RAB6A: variants seen among roughly 807,000 people sequenced by gnomAD.
RAB6A encodes the protein ras-related protein Rab-6A.
Under a neutral mutation model 32.3 loss-of-function variants are expected in RAB6A, and 8 were observed. The observed-to-expected ratio is 0.25, with a 90% CI of 0.15 to 0.45. The LOEUF (loss-of-function observed/expected upper bound fraction) is 0.45. RAB6A is among the 20% of genes least tolerant of loss of function. The pLI, the probability that RAB6A is intolerant of heterozygous loss-of-function variation, is 1.00. For synonymous variants in RAB6A, 73 were observed against 82.1 expected (o/e 0.89, Z 0.60); for missense variants, 104 against 249.4 (o/e 0.42, Z 3.93).
At chr11:73,715,759 C>G (rs543658543) in intron 5 of RAB6A, among the ~76,000 whole-genome samples, 2 of 152,278 alleles carry the variant, frequency 1.3e-5, no homozygotes, top group Admixed American at 1.3e-4. Flanking sequence ...GTATCACAAT[C>G]AAGCTATTCA....
At chr11:73,694,766 C>A (rs1393490530) in intron 6 of RAB6A, among the ~76,000 whole-genome samples, 3 of 152,174 alleles carry the variant, frequency 2.0e-5, no homozygotes, top group Non-Finnish European at 4.4e-5. Context: ...ATAATTCCAG[C>A]ACTCTGGGAG....
chr11:73,719,118 C>G (rs1218127337), intron 3 of RAB6A, among the ~76,000 whole-genome samples: 1 of 152,128 alleles, frequency 6.6e-6, no homozygotes, highest in African/African-American at 2.4e-5. Context: ...GAAAATGCCA[C>G]TGGGAAAAAT....
At chr11:73,755,468 T>C (rs1946732563) in intron 1 of RAB6A, among the ~76,000 whole-genome samples, 1 of 151,898 alleles carries the variant, frequency 6.6e-6, no homozygotes, top group African/African-American at 2.4e-5. Flanking sequence ...TAATTTTGTA[T>C]TTTTAGTAGA....
At chr11:73,718,484 G>A in intron 4 of RAB6A, 129 bp downstream of exon 4, 1 of 743,882 alleles carries the variant, frequency 1.3e-6, no homozygotes, top group East Asian at 2.7e-5. Flanking sequence ...GACCTGGCTG[G>A]TATGTAATTT....
chr11:73,741,197 C>T (rs932204608), intron 1 of RAB6A, among the ~76,000 whole-genome samples: 6 of 151,554 alleles, frequency 4.0e-5, no homozygotes, highest in Non-Finnish European at 7.4e-5. Flanking sequence ...AATGCGGTGG[C>T]GCAATCTCGG....
chr11:73,730,225 TTTTC>T (rs1946282879), intron 2 of RAB6A: 1 of 152,256 alleles, frequency 6.6e-6, no homozygotes, highest in Non-Finnish European at 1.5e-5. Context: ...TTAGTATCTC[TTTTC>T]TTTTTTGTAT....
intron 6 of RAB6A, among the ~76,000 whole-genome samples, chr11:73,680,150 C>T (rs956242590): frequency 2.0e-5 from 3 of 151,894 alleles, no homozygotes; most frequent in Non-Finnish European, 2.9e-5. Context: ...ATTCTATAAA[C>T]GAGTATTATA....
intron 6 of RAB6A, among the ~76,000 whole-genome samples, chr11:73,707,122 A>C (rs1363515194): frequency 1.5e-5 from 2 of 135,446 alleles, no homozygotes; most frequent in Non-Finnish European, 1.6e-5. Context: ...CCATCTCAAA[A>C]AAGAAAAAAA....
intron 1 of RAB6A, among the ~76,000 whole-genome samples, chr11:73,736,424 G>T (rs1300248418): frequency 2.1e-5 from 1 of 47,466 alleles, no homozygotes; most frequent in Non-Finnish European, 4.6e-5. Context: ...GAAAGACTCT[G>T]TCTCCAAAAA....
intron 6 of RAB6A, among the ~76,000 whole-genome samples, chr11:73,686,554 A>AAAAAC (rs775431988): frequency 6.6e-6 from 1 of 152,090 alleles, no homozygotes; most frequent in Non-Finnish European, 1.5e-5. Flanking sequence ...GACTCTGTCT[A>AAAAAC]AAAACAAAAC....
At chr11:73,758,967 T>C (rs1565384760) in intron 1 of RAB6A, among the ~76,000 whole-genome samples, 1 of 151,908 alleles carries the variant, frequency 6.6e-6, no homozygotes. Flanking sequence ...ATTGTATTTT[T>C]CCCCCCAAAA....
chr11:73,732,823 T>C (rs1267293588), intron 1 of RAB6A, among the ~76,000 whole-genome samples: 1 of 151,898 alleles, frequency 6.6e-6, no homozygotes, highest in Admixed American at 6.6e-5. Context: ...TTTTCTTTTT[T>C]TTCCCCCGAG....
At chr11:73,718,968 T>C in intron 3 of RAB6A, 1 of 1,335,692 alleles carries the variant, frequency 7.5e-7, no homozygotes, top group Non-Finnish European at 1.0e-6. Flanking sequence ...ATGTTTTTTG[T>C]AAAAGGGAGA....
chr11:73,730,273 T>C (rs1946283622), intron 2 of RAB6A: 1 of 153,006 alleles, frequency 6.5e-6, no homozygotes, highest in Non-Finnish European at 1.5e-5. Context: ...TAAGTTTTGG[T>C]GTGCTGTGTT....
At chr11:73,698,635 G>A (rs532382167) in intron 6 of RAB6A, among the ~76,000 whole-genome samples, 3 of 151,948 alleles carry the variant, frequency 2.0e-5, no homozygotes, top group South Asian at 2.1e-4. Flanking sequence ...TCTTGTATTC[G>A]ACAAGTATCT....
intron 1 of RAB6A, among the ~76,000 whole-genome samples, chr11:73,739,901 T>C (rs1946467325): frequency 6.6e-6 from 1 of 151,616 alleles, no homozygotes; most frequent in Non-Finnish European, 1.5e-5. Context: ...CTACTAAAAA[T>C]ACAAAAAATT....
intron 6 of RAB6A, among the ~76,000 whole-genome samples, chr11:73,700,599 A>AAGT (rs1555056742): frequency 0.012 from 99 of 8,428 alleles, 1 homozygote; most frequent in South Asian, 0.028. Context: ...AAAAAAAAAA[A>AAGT]GTGTGTGTGT....
At chr11:73,751,292 A>T (rs1166723909) in intron 1 of RAB6A, among the ~76,000 whole-genome samples, 1 of 152,170 alleles carries the variant, frequency 6.6e-6, no homozygotes, top group Non-Finnish European at 1.5e-5. Flanking sequence ...CGTCTCAAAA[A>T]ACAAACCAAC....
At chr11:73,732,746 T>C (rs1251606207) in intron 1 of RAB6A, among the ~76,000 whole-genome samples, 4 of 152,134 alleles carry the variant, frequency 2.6e-5, no homozygotes, top group Non-Finnish European at 5.9e-5. Context: ...GGCGACACAG[T>C]GAGACTCTGT....
Sources: allele counts gnomAD v4.1 joint callset (sites outside exome capture counted in the v4.1 genomes callset), GRCh38; gene constraint gnomAD v4.1.1; transcripts MANE v1.5; gene names NCBI Gene and HGNC (gene_info 2026-07-23, HGNC 2026-07-21).